The following RNF185 variants were observed in gnomAD, a reference collection of about 807,000 sequenced individuals.
RNF185 encodes the protein ring finger protein 185, also known as E3 ubiquitin-protein ligase RNF185.
A neutral mutation model predicts 24.9 loss-of-function variants in RNF185; 13 were observed. The ratio of observed to expected loss-of-function variants is 0.52; its 90% CI spans 0.34 to 0.83. The LOEUF is 0.83. Among genes scored for constraint, RNF185 ranks in the 40% least tolerant of loss-of-function variants. The pLI, the probability that RNF185 is intolerant of heterozygous loss-of-function variation, is 0.01. For synonymous variants in RNF185, 79 were observed against 90.3 expected, an observed-to-expected ratio of 0.88 and a Z score of 0.71; for missense variants, 184 against 244.7, an observed-to-expected ratio of 0.75 and a Z score of 1.65.
chr22:31,189,549 G>A lies in RNF185; in HGVS notation c.176+2279G>A, dbSNP rs577657662. The stretch of plus-strand genomic sequence containing the variant: ...TCACCTCAAGTGATCTGCCCACCCC[G>A]ACCTCCCAAAGTGCTAGGATTACAG... On this transcript the variant is annotated intron_variant, in intron 2 of 6. Coordinates refer to ENST00000326132, the MANE Select transcript of RNF185 (RefSeq NM_152267.4). Among the ~76,000 whole-genome samples, 410 of 150,414 alleles carry A rather than the reference G, an allele frequency of 2.7e-3. 1 individual carries two copies. The highest frequency in any genetic ancestry group is 4.5e-3 in the Non-Finnish European group (305 of 67,744).
At chr22:31,172,553 A>C (rs2147927796) in intron 1 of RNF185, among the ~76,000 whole-genome samples, 1 of 152,268 alleles carries the variant, frequency 6.6e-6, no homozygotes. Context: ...GTTCAAGACC[A>C]GCCTGGCCAA....
At chr22:31,183,860 C>T (rs957170181) in intron 1 of RNF185, among the ~76,000 whole-genome samples, 7 of 152,208 alleles carry the variant, frequency 4.6e-5, no homozygotes, top group Non-Finnish European at 7.4e-5. Flanking sequence ...GACAAAACCG[C>T]TATTGTCATC....
At chr22:31,174,551 A>T (rs1338981767) in intron 1 of RNF185, among the ~76,000 whole-genome samples, 1 of 151,810 alleles carries the variant, frequency 6.6e-6, no homozygotes, top group Non-Finnish European at 1.5e-5. Flanking sequence ...GGCTAATTTT[A>T]AATTTTTTTG....
intron 1 of RNF185, among the ~76,000 whole-genome samples, chr22:31,168,365 T>C (rs1924064483): frequency 6.6e-6 from 1 of 152,212 alleles, no homozygotes; most frequent in South Asian, 2.1e-4. Flanking sequence ...TAACATGATG[T>C]TCTTGAGGTT....
chr22:31,187,737 C>T (rs1370233718), intron 2 of RNF185, among the ~76,000 whole-genome samples: 2 of 152,186 alleles, frequency 1.3e-5, no homozygotes, highest in East Asian at 1.9e-4. Flanking sequence ...GAGCACATAG[C>T]TTGCAGTAAA....
At position 31,179,044 on chromosome 22, in the gene RNF185, G is replaced by A. The variant is rs534925426; in HGVS notation, c.-48-8003G>A. Among the ~76,000 whole-genome samples the A allele has an allele frequency of 5.3e-5, 8 of 152,282 alleles. 1 individual carries two copies. In the South Asian group the frequency reaches 1.0e-3, roughly 20 times the overall value. ...AAATGGCATGAGGATAAAATGCAGC[G>A]ATAGATGTGAAATGCTTTGAAAACT... On this transcript the variant is annotated intron_variant, in intron 1 of 6. Transcript: ENST00000326132.
chr22:31,164,583 C>CTTT (rs200649012), intron 1 of RNF185, among the ~76,000 whole-genome samples: 24 of 91,750 alleles, frequency 2.6e-4, no homozygotes, highest in East Asian at 1.7e-3. Context: ...TCCTCATTGT[C>CTTT]TTTTTTTTTT....
intron 2 of RNF185, among the ~76,000 whole-genome samples, 161 bp from the exon 3 acceptor site, chr22:31,192,523 C>T (rs1332499632): frequency 6.6e-6 from 1 of 152,112 alleles, no homozygotes; most frequent in East Asian, 1.9e-4. Context: ...GTAATCCCTA[C>T]AGAACCTCAA....
intron 1 of RNF185, among the ~76,000 whole-genome samples, chr22:31,170,824 T>A (rs2047921594): frequency 6.6e-6 from 1 of 152,070 alleles, no homozygotes; most frequent in Non-Finnish European, 1.5e-5. Context: ...TTTTATTTTT[T>A]AATATTTATT....
chr22:31,174,839 G>A (rs1218871837), intron 1 of RNF185, among the ~76,000 whole-genome samples: 2 of 151,952 alleles, frequency 1.3e-5, no homozygotes, highest in Admixed American at 6.6e-5. Flanking sequence ...GGAGGCCGAG[G>A]TGGGCGGATC....
intron 1 of RNF185, among the ~76,000 whole-genome samples, chr22:31,169,639 C>G (rs541565684): frequency 6.6e-6 from 1 of 152,042 alleles, no homozygotes; most frequent in African/African-American, 2.4e-5. Context: ...CTCTGCCTCC[C>G]GGACTCAAGC....
chr22:31,186,980 A>G (rs1307717626), intron 1 of RNF185, 67 bp from the exon 2 acceptor site: 2 of 1,097,094 alleles, frequency 1.8e-6, no homozygotes, highest in East Asian at 2.4e-5. Flanking sequence ...GAAGACAGGA[A>G]TGTTGGCATG....
intron 1 of RNF185, among the ~76,000 whole-genome samples, chr22:31,183,704 A>G (rs1211388033): frequency 2.0e-5 from 3 of 152,198 alleles, no homozygotes; most frequent in African/African-American, 7.2e-5. Flanking sequence ...GTTGGGGGTA[A>G]GGTTATAGAT....
intron 1 of RNF185, among the ~76,000 whole-genome samples, chr22:31,162,711 C>T (rs1451132011): frequency 1.3e-5 from 2 of 151,036 alleles, no homozygotes; most frequent in African/African-American, 4.9e-5. Context: ...CAAACCTGGA[C>T]CTACTGCTTG....
chr22:31,183,133 A>G (rs2048056315), intron 1 of RNF185: 1 of 151,906 alleles, frequency 6.6e-6, no homozygotes, highest in South Asian at 2.1e-4. Context: ...CATGTTGGCC[A>G]GGCTTGTCTT....
In RNF185 at chr22:31,205,692, C is replaced by G. The variant is rs1371799833; in HGVS notation, c.*1106C>G. The G allele has an allele frequency of 6.6e-6, 1 of 152,196 alleles. No individual in the cohort carries two copies. The highest frequency in any genetic ancestry group is 1.5e-5 in the Non-Finnish European group (1 of 68,036). 9.4% of individuals were successfully genotyped at this position (152,196 alleles called of 1,614,324 possible). On this transcript the variant is annotated 3_prime_UTR_variant, in exon 7 of 7. Transcript: ENST00000326132. The stretch of plus-strand genomic sequence containing the variant: ...TTTTGGTATGGCTTGATAGAGTTCC[C>G]TGAAAACTCCTTGTATGTGTGCTAA...
intron 3 of RNF185, 116 bp downstream of exon 3, chr22:31,192,818 C>A: frequency 1.1e-6 from 1 of 908,000 alleles, no homozygotes; most frequent in Non-Finnish European, 1.8e-6. Context: ...GGCTCATTTG[C>A]TTACTTACCC....
Position 31,196,956 on chromosome 22 carries a change from C to T in RNF185, c.329C>T (p.Pro110Leu). The T allele has an allele frequency of 6.2e-7, 1 of 1,612,418 alleles. No individual in the cohort carries two copies. The highest frequency in any genetic ancestry group is 8.5e-7 in the Non-Finnish European group (1 of 1,179,462). Reference protein sequence around the residue: ...QDPREKTPPRPQGQRPEPENR... With the variant: ...QDPREKTPPRLQGQRPEPENR... ...TTCAGAGAGAAGACCCCTCCTCGTC[C>T]TCAAGGACAGAGGCCAGAGCCGGAG... Residue 110 changes from proline (P) to leucine (L), a missense_variant, in exon 5 of 7, where the codon CCT becomes CTT. Transcript: ENST00000326132.
At chr22:31,200,716 T>C (rs2048253930) in intron 5 of RNF185, among the ~76,000 whole-genome samples, 1 of 152,230 alleles carries the variant, frequency 6.6e-6, no homozygotes, top group African/African-American at 2.4e-5. Flanking sequence ...GTGGAGTGGC[T>C]GCGAAGTGGG....
Sources: gnomAD v4.1 joint callset for allele counts (sites outside exome capture counted in the v4.1 genomes callset) on GRCh38, gnomAD v4.1.1 for gene constraint, MANE v1.5 for transcripts, NCBI Gene and HGNC (gene_info 2026-07-23, HGNC 2026-07-21) for gene names.